The following NOC3L variants were observed in gnomAD, a reference collection of about 807,000 sequenced individuals.
NOC3L encodes NOC3 like DNA replication regulator, also known as nucleolar complex protein 3 homolog.
A neutral mutation model predicts 102.5 loss-of-function variants in NOC3L; 85 were observed. The observed-to-expected ratio is 0.83, with a 90% CI of 0.70 to 0.99. The LOEUF is 0.99. Ranked by LOEUF, NOC3L falls within the 50% of genes least tolerant of loss-of-function variation. NOC3L has a pLI of 0.00. For synonymous variants in NOC3L, 303 were observed against 309.4 expected (o/e 0.98, Z 0.22); for missense variants, 878 against 914.9 (o/e 0.96, Z 0.52).
the NOC3L span, chr10:94,327,917 C>CA: frequency 2.0e-6 from 1 of 511,378 alleles, no homozygotes; most frequent in Non-Finnish European, 4.0e-6. Flanking sequence ...GCAAGTGTTT[C>CA]TGTTTCTTCA....
downstream of NOC3L, chr10:94,330,410 T>A (rs2054145648): frequency 6.6e-6 from 1 of 152,266 alleles, no homozygotes. Context: ...CTGGGCACAG[T>A]GGCTCATGCC....
intron 11 of NOC3L, among the ~76,000 whole-genome samples, chr10:94,346,205 T>C (rs946527190): frequency 6.6e-6 from 1 of 152,190 alleles, no homozygotes; most frequent in African/African-American, 2.4e-5. Context: ...GGCAAAAATA[T>C]CTTTTCATCT....
chr10:94,347,304 T>G (rs2054355553), intron 10 of NOC3L, among the ~76,000 whole-genome samples: 1 of 152,126 alleles, frequency 6.6e-6, no homozygotes, highest in African/African-American at 2.4e-5. Flanking sequence ...AAGGAATAAC[T>G]AAAGGCATAA....
chr10:94,357,280 A>C lies in NOC3L; in HGVS notation c.402T>G (p.Tyr134Ter), dbSNP rs780678490. ...TTTGCAGAGTTCTTGGTATTTTTTCATATTTATCTATAATGCGTTCATGCT... is the reference window on the plus strand; with the variant it reads ...TTTGCAGAGTTCTTGGTATTTTTTCCTATTTATCTATAATGCGTTCATGCT... ...KRKHERIIDK[Y>*]EKIPRTLQTA... Residue 134 changes from tyrosine to a stop codon, truncating the protein, a stop_gained, in exon 4 of 21, where the codon TAT becomes TAG. Coordinates refer to ENST00000371361, the MANE Select transcript of NOC3L (RefSeq NM_022451.11). LOFTEE classifies it high-confidence loss of function. 5.0e-6 allele frequency: 8 copies of C among 1,606,560 alleles called. No homozygotes were observed. The highest frequency in any genetic ancestry group is 6.8e-6 in the Non-Finnish European group (8 of 1,176,352).
intron 7 of NOC3L, 22 bp downstream of exon 7, chr10:94,352,874 A>T (rs773267118): frequency 8.8e-6 from 14 of 1,591,070 alleles, no homozygotes; most frequent in Non-Finnish European, 1.2e-5. Flanking sequence ...GATAGTAATT[A>T]TATCTAGCAA....
the NOC3L span, among the ~76,000 whole-genome samples, chr10:94,322,752 G>A: frequency 9.9e-5 from 15 of 151,368 alleles, no homozygotes; most frequent in Admixed American, 5.3e-4. Context: ...GCCATTGCGC[G>A]TCAGCCTGGG....
chr10:94,340,019 G>C, intron 16 of NOC3L, 99 bp from the exon 17 acceptor site: 1 of 1,047,446 alleles, frequency 9.5e-7, no homozygotes, highest in Non-Finnish European at 1.4e-6. Context: ...TTTTGTACCT[G>C]TCCCAAACCA....
At chr10:94,316,826 C>T in the NOC3L span, 124 of 1,140,852 alleles carry the variant, frequency 1.1e-4, no homozygotes, top group South Asian at 1.5e-3. Flanking sequence ...CACTCACAAC[C>T]TCCCTGAAAT....
the NOC3L span, chr10:94,325,114 G>A: frequency 6.4e-7 from 1 of 1,568,478 alleles, no homozygotes; most frequent in Non-Finnish European, 8.8e-7. Flanking sequence ...GGTATAGTAA[G>A]TCATTGCACC....
chr10:94,359,351 C>T (rs946535668), intron 2 of NOC3L, among the ~76,000 whole-genome samples: 1 of 151,748 alleles, frequency 6.6e-6, no homozygotes, highest in Non-Finnish European at 1.5e-5. Flanking sequence ...ACTTGAATCC[C>T]GTAGGCAGAG....
intron 18 of NOC3L, 72 bp from the exon 19 acceptor site, chr10:94,337,946 A>G (rs569197978): frequency 1.8e-6 from 2 of 1,137,270 alleles, no homozygotes; most frequent in African/African-American, 3.1e-5. Flanking sequence ...CACAGCAAAG[A>G]TTTTCTTAAA....
chr10:94,343,403 A>T (rs1018359780), intron 13 of NOC3L, among the ~76,000 whole-genome samples: 1 of 152,138 alleles, frequency 6.6e-6, no homozygotes, highest in Non-Finnish European at 1.5e-5. Flanking sequence ...TAAAAACAGC[A>T]AGTCCTACAC....
intron 8 of NOC3L, among the ~76,000 whole-genome samples, chr10:94,352,050 C>CT (rs2054425632): frequency 6.6e-6 from 1 of 152,310 alleles, no homozygotes; most frequent in Admixed American, 6.5e-5. Context: ...TCAGTTACTT[C>CT]TTACAATAAT....
chr10:94,358,238 C>A (rs2054511401), intron 2 of NOC3L, 23 bp from the exon 3 acceptor site: 2 of 1,181,030 alleles, frequency 1.7e-6, no homozygotes, highest in Non-Finnish European at 2.5e-6. Flanking sequence ...CACACACACA[C>A]AAAGAAAAAT....
Position 94,337,810 on chromosome 10 carries a change from C to T in NOC3L, c.2156G>A (p.Gly719Asp). The change falls in exon 19 of 21, where the codon GGC becomes GAC. Residue 719 changes from glycine (G) to aspartate (D), a missense_variant. By Grantham distance (94) the Gly-to-Asp change is moderately conservative. Coordinates refer to ENST00000371361, the MANE Select transcript of NOC3L (RefSeq NM_022451.11). ...AHLIAGAPSE[G>D]SGALKPELSR... is the part of the protein sequence containing the mutation. ...CAACTCTGGTTTGAGTGCTCCAGAG[C>T]CTTCAGAAGGTGCTCCAGCGATCAG... 1 of 1,613,960 alleles carries T rather than the reference C, an allele frequency of 6.2e-7. No homozygotes were observed. Among genetic ancestry groups the T allele is most frequent in the Non-Finnish European group, 8.5e-7 (1 of 1,179,906 alleles).
At chr10:94,332,303 T>C (rs2054168950), downstream of NOC3L, 1 of 152,148 alleles carries the variant, frequency 6.6e-6, no homozygotes, top group South Asian at 2.1e-4. Context: ...TAACACTGAA[T>C]TGGGTACTGT....
intron 8 of NOC3L, among the ~76,000 whole-genome samples, chr10:94,351,774 T>C (rs756230987): frequency 6.6e-6 from 1 of 151,900 alleles, no homozygotes. Flanking sequence ...GCAATCCTCT[T>C]GCCTCGGCCT....
At chr10:94,354,925 C>A in intron 6 of NOC3L, 38 bp downstream of exon 6, 1 of 1,598,728 alleles carries the variant, frequency 6.3e-7, no homozygotes. Context: ...TTACACCATA[C>A]CTAATACAAA....
chr10:94,338,865 C>T lies in NOC3L; in HGVS notation c.1963-129G>A. On this transcript the variant is annotated intron_variant, in intron 17 of 20. Transcript: ENST00000371361. ...AGAGCTTTGCATAAAGTCTTTACAC[C>T]TAGATTTAATAAAAAACAATTTAAG... The T allele has an allele frequency of 7.6e-6, 5 of 659,326 alleles. No individual in the cohort carries two copies. The East Asian group carries it at 1.0e-4, about 13-fold the overall frequency. The allele number at this position is 659,326 out of a possible 1,614,324, so 40.8% of individuals were successfully genotyped here.
Sources: gnomAD v4.1 joint callset for allele counts (sites outside exome capture counted in the v4.1 genomes callset) on GRCh38, gnomAD v4.1.1 for gene constraint, MANE v1.5 for transcripts, NCBI Gene and HGNC (gene_info 2026-07-23, HGNC 2026-07-21) for gene names.